ARMH3: variants seen among roughly 807,000 people sequenced by gnomAD.
ARMH3 encodes armadillo-like helical domain-containing protein 3.
In ARMH3, 60 loss-of-function variants were observed where a neutral mutation model predicts 99.1. That is an observed-to-expected ratio of 0.61 (90% CI 0.49 to 0.75). The LOEUF (loss-of-function observed/expected upper bound fraction) is 0.75. ARMH3 is among the 30% of genes least tolerant of loss of function. The probability of loss-of-function intolerance (pLI) is 0.00; values close to 1 mark genes in which losing one functional copy is unlikely to be tolerated. For synonymous variants in ARMH3, 285 were observed against 292.8 expected, an observed-to-expected ratio of 0.97 and a Z score of 0.27; for missense variants, 679 against 843.1, an observed-to-expected ratio of 0.81 and a Z score of 2.41.
At chr10:102,011,524 T>A (rs1457172713) in intron 11 of ARMH3, among the ~76,000 whole-genome samples, 199 bp downstream of exon 11, 1 of 151,428 alleles carries the variant, frequency 6.6e-6, no homozygotes, top group Non-Finnish European at 1.5e-5. Flanking sequence ...TAAAGGTACA[T>A]CAAAAGTGGG....
intron 19 of ARMH3, among the ~76,000 whole-genome samples, chr10:101,985,197 T>C (rs771567055): frequency 7.8e-6 from 1 of 127,650 alleles, no homozygotes; most frequent in African/African-American, 3.1e-5. Context: ...TATGTGTGTA[T>C]ATATATACGT....
rs774444824 is a variant in ARMH3 at position 101,889,383 on chromosome 10, T to C, written c.1860+29A>G. 16 of 1,583,526 alleles carry C rather than the reference T, an allele frequency of 1.0e-5. 1 individual carries two copies. The highest frequency in any genetic ancestry group is 6.6e-5 in the South Asian group (6 of 90,464). On this transcript the variant is annotated intron_variant, in intron 24 of 25. Transcript: ENST00000370033. Reference sequence around the variant, plus strand: ...CAACTGCTTGATCCTAGCCACCAACTAGGTCATCTGGGGAAAGTAGTGGCT... The same window carrying C: ...CAACTGCTTGATCCTAGCCACCAACCAGGTCATCTGGGGAAAGTAGTGGCT...
intron 24 of ARMH3, among the ~76,000 whole-genome samples, chr10:101,868,883 C>A (rs2067068309): frequency 6.6e-6 from 1 of 152,016 alleles, no homozygotes; most frequent in African/African-American, 2.4e-5. Flanking sequence ...ACTAGCTTGG[C>A]CAATATAATG....
chr10:101,973,575 G>A (rs571254945), intron 20 of ARMH3, among the ~76,000 whole-genome samples: 50 of 152,178 alleles, frequency 3.3e-4, no homozygotes, highest in African/African-American at 1.1e-3. Flanking sequence ...AGTCTCAGGA[G>A]ACAGACCAGA....
At chr10:101,909,461 CTCT>C (rs1369619549) in intron 23 of ARMH3, among the ~76,000 whole-genome samples, 1 of 99,284 alleles carries the variant, frequency 1.0e-5, no homozygotes, top group Non-Finnish European at 1.9e-5. Context: ...TGCAAGCTTC[CTCT>C]TTTTTTTTTT....
chr10:101,971,095 C>CAAAAAA (rs71472590), intron 20 of ARMH3, among the ~76,000 whole-genome samples: 2 of 33,286 alleles, frequency 6.0e-5, no homozygotes, highest in Admixed American at 3.5e-4. Flanking sequence ...AGACCGTCTC[C>CAAAAAA]AAAAAAAAAA....
intron 8 of ARMH3, among the ~76,000 whole-genome samples, chr10:102,019,712 G>C (rs1424018363): frequency 1.3e-5 from 2 of 152,062 alleles, no homozygotes; most frequent in Non-Finnish European, 2.9e-5. Context: ...CGGATCACAA[G>C]GTCAGGAGAT....
chr10:102,043,582 A>G (rs1224362926), intron 1 of ARMH3, among the ~76,000 whole-genome samples: 3 of 152,220 alleles, frequency 2.0e-5, no homozygotes, highest in Non-Finnish European at 2.9e-5. Context: ...GGGATAATAA[A>G]GGAGAGAAAG....
intron 19 of ARMH3, among the ~76,000 whole-genome samples, chr10:101,983,605 A>T (rs2135964229): frequency 6.6e-6 from 1 of 152,264 alleles, no homozygotes; most frequent in Non-Finnish European, 1.5e-5. Flanking sequence ...TAAGAAACCA[A>T]AAGTACAGGG....
chr10:101,853,288 T>G (rs2135272167), intron 24 of ARMH3, among the ~76,000 whole-genome samples: 1 of 152,274 alleles, frequency 6.6e-6, no homozygotes, highest in Admixed American at 6.5e-5. Context: ...CTCCTGCCCT[T>G]GTCACTTTTC....
At chr10:101,983,594 A>G (rs766811053) in intron 19 of ARMH3, among the ~76,000 whole-genome samples, 2 of 152,160 alleles carry the variant, frequency 1.3e-5, no homozygotes, top group Admixed American at 6.5e-5. Flanking sequence ...TGAAATCTCC[A>G]TAAGAAACCA....
At chr10:102,043,397 A>T (rs2067467547) in intron 1 of ARMH3, among the ~76,000 whole-genome samples, 1 of 152,194 alleles carries the variant, frequency 6.6e-6, no homozygotes, top group Non-Finnish European at 1.5e-5. Flanking sequence ...AATACCACAA[A>T]TATATAAAAA....
intron 11 of ARMH3, 23 bp from the exon 12 acceptor site, chr10:102,010,046 C>A: frequency 2.5e-6 from 4 of 1,611,200 alleles, no homozygotes; most frequent in Non-Finnish European, 3.4e-6. Context: ...AGGGGAATTG[C>A]AAACTTATAG....
At chr10:101,852,428 A>C (rs1369357819) in intron 24 of ARMH3, among the ~76,000 whole-genome samples, 6 of 152,212 alleles carry the variant, frequency 3.9e-5, no homozygotes, top group Non-Finnish European at 8.8e-5. Flanking sequence ...AGGTGAGAGC[A>C]GAAAAGGTCC....
At chr10:101,850,538 C>T (rs977867629) in intron 24 of ARMH3, among the ~76,000 whole-genome samples, 3 of 151,906 alleles carry the variant, frequency 2.0e-5, no homozygotes, top group African/African-American at 7.3e-5. Context: ...AATTCTCATG[C>T]CTCAACCTCC....
intron 8 of ARMH3, among the ~76,000 whole-genome samples, chr10:102,020,501 C>T (rs1410076351): frequency 6.6e-6 from 1 of 151,890 alleles, no homozygotes; most frequent in Non-Finnish European, 1.5e-5. Context: ...CTAGCTAACA[C>T]GGTGAAACCC....
At chr10:101,976,976 C>T (rs1354894896) in intron 19 of ARMH3, among the ~76,000 whole-genome samples, 1 of 152,076 alleles carries the variant, frequency 6.6e-6, no homozygotes, top group African/African-American at 2.4e-5. Context: ...CTTTTTCTTT[C>T]TTTTCCTTTC....
chr10:101,942,043 C>G (rs1431589742), intron 22 of ARMH3, among the ~76,000 whole-genome samples: 1 of 152,100 alleles, frequency 6.6e-6, no homozygotes, highest in Admixed American at 6.6e-5. Context: ...CAGCTCTGTT[C>G]CTTACTGAAC....
rs995551581 is a variant in ARMH3, at chr10:101,986,661, T to C, written c.1406+3890A>G. 5.9e-5 allele frequency among the ~76,000 whole-genome samples: 9 copies of C among 152,304 alleles called. 1 individual carries two copies. In the Middle Eastern group the frequency reaches 0.01, roughly 173 times the overall value. ...GCTTTCAATTTCTCATTCTGCTGTA[T>C]ACTGCCGAAAAGGGGTACATAATGA... On this transcript the variant is annotated intron_variant, in intron 19 of 25. Coordinates refer to ENST00000370033, the MANE Select transcript of ARMH3 (RefSeq NM_024541.3).
Sources: allele counts gnomAD v4.1 joint callset (sites outside exome capture counted in the v4.1 genomes callset), GRCh38; gene constraint gnomAD v4.1.1; transcripts MANE v1.5; gene names NCBI Gene and HGNC (gene_info 2026-07-23, HGNC 2026-07-21).